Variants in SORCS2 observed in about 807,000 individuals in gnomAD.
SORCS2 encodes sortilin related VPS10 domain containing receptor 2, also known as VPS10 domain-containing receptor SorCS2.
SORCS2 carries 100 observed loss-of-function variants against 141.6 expected under a neutral mutation model. The ratio of observed to expected loss-of-function variants is 0.71; its 90% CI spans 0.60 to 0.83. SORCS2 has a LOEUF of 0.83. SORCS2 is among the 40% of genes least tolerant of loss of function. The probability of loss-of-function intolerance (pLI) is 0.00; values close to 1 mark genes in which losing one functional copy is unlikely to be tolerated. For synonymous variants in SORCS2, 789 were observed against 676.9 expected (o/e 1.17, Z -2.57); for missense variants, 1,646 against 1,560.2 (o/e 1.05, Z -0.93).
At chr4:7,393,940 G>A (rs984668096) in intron 1 of SORCS2, among the ~76,000 whole-genome samples, 4 of 152,112 alleles carry the variant, frequency 2.6e-5, no homozygotes, top group Admixed American at 1.3e-4. Context: ...GATGACTGCC[G>A]AGTCAGGTCC....
In SORCS2 at chr4:7,696,722, C is replaced by A. The variant is rs376856787; in HGVS notation, c.1592-476C>A. ...AATGTCCACCCAGCAGATAGTGAGA[C>A]CCTGGTGTGTGCCCACCTGCCTTCT... On this transcript the variant is annotated intron_variant, in intron 11 of 26. Transcript: ENST00000507866. Among the ~76,000 whole-genome samples, 25 of 152,338 alleles carry A rather than the reference C, an allele frequency of 1.6e-4. No individual in the cohort carries two copies. In the East Asian group the frequency reaches 2.3e-3, roughly 14 times the overall value.
intron 1 of SORCS2, among the ~76,000 whole-genome samples, chr4:7,232,946 C>G (rs1477123626): frequency 6.6e-6 from 1 of 152,220 alleles, no homozygotes; most frequent in South Asian, 2.1e-4. Flanking sequence ...CACTGCTGCA[C>G]TGTCAGAGAC....
intron 4 of SORCS2, among the ~76,000 whole-genome samples, chr4:7,646,116 G>T (rs563788847): frequency 1.3e-5 from 2 of 152,404 alleles, no homozygotes; most frequent in South Asian, 2.1e-4. Context: ...AGCGAGGCAG[G>T]TGTGTGCCCC....
At chr4:7,640,901 A>G (rs56142308) in intron 4 of SORCS2, among the ~76,000 whole-genome samples, 8,990 of 152,138 alleles carry the variant, frequency 0.059, 851 homozygotes, top group African/African-American at 0.2. Flanking sequence ...CTTCCCACAG[A>G]TGGAATCCAA....
At chr4:7,643,137 T>A (rs781053651) in intron 4 of SORCS2, among the ~76,000 whole-genome samples, 11 of 152,212 alleles carry the variant, frequency 7.2e-5, no homozygotes, top group Non-Finnish European at 1.2e-4. Context: ...GACTTTACAA[T>A]GCTTCCCTTA....
intron 1 of SORCS2, among the ~76,000 whole-genome samples, chr4:7,343,555 C>T (rs1720487179): frequency 6.6e-6 from 1 of 152,208 alleles, no homozygotes; most frequent in African/African-American, 2.4e-5. Context: ...CCTTGACCTC[C>T]GTAAGTGCAG....
chr4:7,525,860 T>G lies in SORCS2; in HGVS notation c.549-5670T>G, dbSNP rs565361169. ...ACCTGGGCCCTCCTGCAGTCACCTG[T>G]CCCCTCCTCAGTCACCTGTCCCCTC... On this transcript the variant is annotated intron_variant, in intron 2 of 26. Coordinates refer to ENST00000507866, the MANE Select transcript of SORCS2 (RefSeq NM_020777.3). 1.4e-4 allele frequency among the ~76,000 whole-genome samples: 17 copies of G among 125,896 alleles called. 1 individual carries two copies. The highest frequency in any genetic ancestry group is 1.8e-4 in the Non-Finnish European group (11 of 60,616). The allele number at this position is 125,896 out of a possible 152,430, so 82.6% of individuals were successfully genotyped here. A position where few individuals can be genotyped will look rare whatever the true frequency, so the allele number is the denominator to read the frequency against.
intron 1 of SORCS2, among the ~76,000 whole-genome samples, chr4:7,364,991 G>A (rs939300269): frequency 1.2e-4 from 19 of 152,250 alleles, no homozygotes; most frequent in African/African-American, 4.6e-4. Context: ...TCTGTGGAGT[G>A]TAGGTAAGGC....
intron 1 of SORCS2, among the ~76,000 whole-genome samples, chr4:7,326,639 G>A (rs1055182308): frequency 3.3e-5 from 5 of 152,236 alleles, no homozygotes; most frequent in East Asian, 1.9e-4. Flanking sequence ...CAGGGACCCC[G>A]GCCTGGTGCT....
intron 3 of SORCS2, among the ~76,000 whole-genome samples, chr4:7,627,944 A>G (rs1464462701): frequency 6.6e-6 from 1 of 152,236 alleles, no homozygotes; most frequent in African/African-American, 2.4e-5. Context: ...ACAGCTGCCA[A>G]TTCTCAGCTC....
At chr4:7,513,196 C>T (rs1299842922) in intron 2 of SORCS2, among the ~76,000 whole-genome samples, 1 of 152,188 alleles carries the variant, frequency 6.6e-6, no homozygotes, top group Non-Finnish European at 1.5e-5. Flanking sequence ...CGTATGTAGC[C>T]ATAATGTGAG....
At chr4:7,417,844 C>T (rs6856559) in intron 2 of SORCS2, among the ~76,000 whole-genome samples, 17,828 of 152,198 alleles carry the variant, frequency 0.12, 1,451 homozygotes, top group African/African-American at 0.22. Flanking sequence ...GGGAACGGGT[C>T]GCTGAAGGCT....
intron 2 of SORCS2, among the ~76,000 whole-genome samples, chr4:7,487,552 G>C (rs529624781): frequency 1.3e-3 from 204 of 152,354 alleles, no homozygotes; most frequent in Middle Eastern, 3.4e-3. Context: ...TCCTTTGCCT[G>C]CACTAGAGAG....
At chr4:7,575,230 C>T (rs1289488810) in intron 3 of SORCS2, among the ~76,000 whole-genome samples, 2 of 152,164 alleles carry the variant, frequency 1.3e-5, no homozygotes, top group East Asian at 3.9e-4. Flanking sequence ...AATATACGAG[C>T]CGTGTGTGTA....
chr4:7,209,651 C>G (rs1727946951), intron 1 of SORCS2, among the ~76,000 whole-genome samples: 1 of 151,224 alleles, frequency 6.6e-6, no homozygotes, highest in Non-Finnish European at 1.5e-5. Flanking sequence ...AGGTGCTGAT[C>G]TTTGAATTTT....
intron 3 of SORCS2, among the ~76,000 whole-genome samples, chr4:7,537,753 A>G (rs1282094237): frequency 6.6e-6 from 1 of 152,190 alleles, no homozygotes; most frequent in Non-Finnish European, 1.5e-5. Flanking sequence ...CACACCTGTG[A>G]TCCCAGCACT....
chr4:7,518,758 A>G (rs1034275256), intron 2 of SORCS2, among the ~76,000 whole-genome samples: 6 of 152,010 alleles, frequency 3.9e-5, no homozygotes, highest in Admixed American at 2.6e-4. Flanking sequence ...TGTACTCTCC[A>G]CCATGTCAGG....
At chr4:7,235,500 C>T (rs1211766070) in intron 1 of SORCS2, among the ~76,000 whole-genome samples, 5 of 152,208 alleles carry the variant, frequency 3.3e-5, no homozygotes, top group Admixed American at 3.3e-4. Context: ...CTGTAGGCTA[C>T]CCAGGTTTCT....
At chr4:7,493,773 C>T (rs547573638) in intron 2 of SORCS2, among the ~76,000 whole-genome samples, 5 of 152,132 alleles carry the variant, frequency 3.3e-5, no homozygotes, top group Non-Finnish European at 4.4e-5. Context: ...TGGAAGACAC[C>T]GCTGCTCAGC....
Sources: allele counts gnomAD v4.1 joint callset (sites outside exome capture counted in the v4.1 genomes callset), GRCh38; gene constraint gnomAD v4.1.1; transcripts MANE v1.5; gene names NCBI Gene and HGNC (gene_info 2026-07-23, HGNC 2026-07-21).